Variants in PPFIBP2 observed in about 807,000 individuals in gnomAD.
PPFIBP2 encodes the protein PPFIB scaffold protein 2.
A neutral mutation model predicts 118.3 loss-of-function variants in PPFIBP2; 118 were observed. The observed-to-expected ratio is 1.00, with a 90% CI of 0.86 to 1.16. The LOEUF (loss-of-function observed/expected upper bound fraction) is 1.16, where lower values mean the gene tolerates loss of function less well. Among genes scored for constraint, PPFIBP2 ranks in the 50% most tolerant of loss-of-function variants. PPFIBP2 has a pLI of 0.00. For missense variants in PPFIBP2, 1,195 were observed against 1,073.1 expected, an observed-to-expected ratio of 1.11 and a Z score of -1.59; for synonymous variants, 414 against 397.4, an observed-to-expected ratio of 1.04 and a Z score of -0.50.
In PPFIBP2 at chr11:7,556,227, G is replaced by A. The variant is rs568496152; in HGVS notation, c.64+6688G>A. 3.3e-4 allele frequency among the ~76,000 whole-genome samples: 51 copies of A among 152,242 alleles called. No homozygotes were observed. The East Asian group carries it at 8.7e-3, about 26-fold the overall frequency. ...TCCCAGCACTTTGGGAGGCCGAGGC[G>A]GGCGAATCACGAGGTCAGGAGATTG... is the stretch of plus-strand genomic sequence containing the variant. On this transcript the variant is annotated intron_variant, in intron 2 of 23. Coordinates refer to ENST00000299492, the MANE Select transcript of PPFIBP2 (RefSeq NM_003621.5).
chr11:7,634,159 T>G (rs11605322), intron 12 of PPFIBP2, among the ~76,000 whole-genome samples: 4,847 of 152,302 alleles, frequency 0.032, 111 homozygotes, highest in Middle Eastern at 0.092. Flanking sequence ...TTTCCCCTCT[T>G]TTGACACTGT....
intron 12 of PPFIBP2, among the ~76,000 whole-genome samples, 159 bp downstream of exon 12, chr11:7,633,093 C>A (rs1590715460): frequency 2.0e-5 from 3 of 152,330 alleles, no homozygotes; most frequent in South Asian, 2.1e-4. Context: ...AGGCCTACCT[C>A]TTTTGGCCAC....
intron 3 of PPFIBP2, among the ~76,000 whole-genome samples, chr11:7,587,475 T>C (rs972831630): frequency 3.3e-5 from 5 of 152,246 alleles, no homozygotes; most frequent in Non-Finnish European, 7.3e-5. Context: ...GACAAATGTA[T>C]TAACCAGAAC....
At chr11:7,552,779 C>A (rs1853138184) in intron 2 of PPFIBP2, among the ~76,000 whole-genome samples, 1 of 152,148 alleles carries the variant, frequency 6.6e-6, no homozygotes, top group African/African-American at 2.4e-5. Flanking sequence ...GGAATGCCCT[C>A]CTCCAGATCT....
At chr11:7,560,821 A>G (rs1372231606) in intron 2 of PPFIBP2, among the ~76,000 whole-genome samples, 1 of 152,230 alleles carries the variant, frequency 6.6e-6, no homozygotes, top group East Asian at 1.9e-4. Flanking sequence ...TTGCATTTGC[A>G]TTTTCAACAA....
At chr11:7,591,882 C>T (rs1351331762) in intron 3 of PPFIBP2, among the ~76,000 whole-genome samples, 1 of 152,194 alleles carries the variant, frequency 6.6e-6, no homozygotes, top group Non-Finnish European at 1.5e-5. Context: ...CTCACCTATG[C>T]AGTGCATTGG....
At chr11:7,536,590 G>C (rs1439462554) in intron 1 of PPFIBP2, among the ~76,000 whole-genome samples, 1 of 152,082 alleles carries the variant, frequency 6.6e-6, no homozygotes, top group Non-Finnish European at 1.5e-5. Flanking sequence ...GGAATCAAGT[G>C]GTTTTGTTTC....
chr11:7,569,145 T>C (rs1855364999), intron 3 of PPFIBP2: 2 of 152,348 alleles, frequency 1.3e-5, no homozygotes, highest in South Asian at 4.2e-4. Context: ...CTCTATGTCT[T>C]ACATGAAAAG....
At position 7,653,383 on chromosome 11, in the gene PPFIBP2, A is replaced by G. The variant is rs1438177138; in HGVS notation, c.*165A>G. 1.3e-6 allele frequency: 2 copies of G among 1,484,292 alleles called. No homozygotes were observed. Among genetic ancestry groups the G allele is most frequent in the Non-Finnish European group, 8.9e-7 (1 of 1,121,350 alleles). 91.9% of individuals were successfully genotyped at this position (1,484,292 alleles called of 1,614,324 possible). On this transcript the variant is annotated 3_prime_UTR_variant, in exon 24 of 24. Transcript: ENST00000299492. ...TCTTTGAACCCTGAGGGTGGCCAGG[A>G]TCTGGAGCTGCATCTCTAAGGGGCC...
chr11:7,608,340 T>G (rs1307777061), intron 5 of PPFIBP2, among the ~76,000 whole-genome samples: 1 of 152,196 alleles, frequency 6.6e-6, no homozygotes, highest in African/African-American at 2.4e-5. Context: ...CAGACTTTTG[T>G]TTGAACACTA....
chr11:7,628,463 G>C (rs778274883), intron 9 of PPFIBP2, 117 bp downstream of exon 9: 5 of 918,862 alleles, frequency 5.4e-6, no homozygotes, highest in Middle Eastern at 2.3e-4. Context: ...ATTGACATAG[G>C]GATATGTCAG....
Position 7,628,404 on chromosome 11 carries a change from G to A in PPFIBP2, c.888+58G>A, listed in dbSNP as rs1204606563. On this transcript the variant is annotated intron_variant, in intron 9 of 23. Transcript: ENST00000299492. ...CATGCTTACATCCCTGGCTGTGTTTGGTCCCTGCTGGTCTCTGATATTCTG... is the reference window on the plus strand; with the variant it reads ...CATGCTTACATCCCTGGCTGTGTTTAGTCCCTGCTGGTCTCTGATATTCTG... 5.5e-6 allele frequency: 8 copies of A among 1,464,276 alleles called. No homozygotes were observed. In the Admixed American group the frequency reaches 1.2e-4, roughly 22 times the overall value. The allele number at this position is 1,464,276 out of a possible 1,614,324, so 90.7% of individuals were successfully genotyped here.
chr11:7,617,472 C>A (rs556513883), intron 6 of PPFIBP2, among the ~76,000 whole-genome samples: 1 of 152,090 alleles, frequency 6.6e-6, no homozygotes, highest in Non-Finnish European at 1.5e-5. Context: ...GCTCAGTGAC[C>A]CTCACTGAGC....
intron 1 of PPFIBP2, chr11:7,538,134 G>A (rs1851394041): frequency 6.6e-6 from 1 of 152,330 alleles, no homozygotes; most frequent in African/African-American, 2.4e-5. Context: ...AAGGTCAGAT[G>A]TGCTTTTGGG....
chr11:7,578,584 C>A (rs1025894425), intron 3 of PPFIBP2, among the ~76,000 whole-genome samples: 9 of 152,148 alleles, frequency 5.9e-5, no homozygotes, highest in African/African-American at 2.2e-4. Context: ...ATAGAACCAG[C>A]CTCTTGTGGA....
At position 7,642,383 on chromosome 11, in the gene PPFIBP2, G is replaced by C. The variant is rs1303916812; in HGVS notation, c.1603G>C (p.Gly535Arg). The C allele has an allele frequency of 6.2e-7, 1 of 1,614,096 alleles. No individual in the cohort carries two copies. The highest frequency in any genetic ancestry group is 1.3e-5 in the African/African-American group (1 of 75,048). The stretch of plus-strand genomic sequence containing the variant: ...ACGAGGTGGGCTCCGGGCAACCGCA[G>C]GGCCAAGACTCTCTAGGACCAGGGA... Reference protein sequence around the residue: ...FRRGGLRATAGPRLSRTRDSK... With the variant: ...FRRGGLRATARPRLSRTRDSK... The change falls in exon 17 of 24, where the codon GGG (glycine) becomes CGG (arginine). Residue 535 changes from glycine to arginine, a missense_variant. Coordinates refer to ENST00000299492, the MANE Select transcript of PPFIBP2 (RefSeq NM_003621.5).
chr11:7,573,013 C>T (rs920619533), intron 3 of PPFIBP2, among the ~76,000 whole-genome samples: 9 of 152,214 alleles, frequency 5.9e-5, no homozygotes, highest in Admixed American at 6.5e-5. Flanking sequence ...CTCCTGACCT[C>T]AGGTGATCTG....
chr11:7,598,147 A>G (rs1315427852), intron 5 of PPFIBP2: 1 of 160,780 alleles, frequency 6.2e-6, no homozygotes, highest in Non-Finnish European at 1.4e-5. Context: ...ATGGAAAAAG[A>G]TATTTAACTG....
intron 1 of PPFIBP2, among the ~76,000 whole-genome samples, chr11:7,514,926 C>A (rs1451546687): frequency 6.6e-6 from 1 of 152,176 alleles, no homozygotes; most frequent in Admixed American, 6.5e-5. Flanking sequence ...ATATTTTGGT[C>A]TACTTCCTGT....
Sources: allele counts gnomAD v4.1 joint callset (sites outside exome capture counted in the v4.1 genomes callset), GRCh38; gene constraint gnomAD v4.1.1; transcripts MANE v1.5; gene names NCBI Gene and HGNC (gene_info 2026-07-23, HGNC 2026-07-21).